Variants in RTN4 observed in about 807,000 individuals in gnomAD.
RTN4 encodes reticulon 4.
A neutral mutation model predicts 90.4 loss-of-function variants in RTN4; 32 were observed. That is an observed-to-expected ratio of 0.35 (90% confidence interval 0.27 to 0.48). The LOEUF is 0.48. Ranked by LOEUF, RTN4 falls within the 20% of genes least tolerant of loss-of-function variation. The probability of loss-of-function intolerance (pLI) is 0.99; values close to 1 mark genes in which losing one functional copy is unlikely to be tolerated. For synonymous variants in RTN4, 629 were observed against 552.5 expected (o/e 1.14, Z -1.94); for missense variants, 1,706 against 1,430.2 (o/e 1.19, Z -3.11).
intron 3 of RTN4, among the ~76,000 whole-genome samples, chr2:55,009,652 T>G (rs1292504553): frequency 6.6e-6 from 1 of 152,252 alleles, no homozygotes; most frequent in Non-Finnish European, 1.5e-5. Context: ...AGAGGCTTAC[T>G]GCAAACACAA....
chr2:55,055,583 T>C (rs540279655), upstream of RTN4, among the ~76,000 whole-genome samples: 2 of 152,058 alleles, frequency 1.3e-5, no homozygotes, highest in Non-Finnish European at 2.9e-5. Flanking sequence ...CTGGCTAACA[T>C]GGTGAAACCC....
At chr2:55,041,393 A>C (rs1286703626) in intron 1 of RTN4, among the ~76,000 whole-genome samples, 2 of 152,020 alleles carry the variant, frequency 1.3e-5, no homozygotes, top group East Asian at 3.8e-4. Context: ...GGGACAAGAT[A>C]AAAAAAATTT....
intron 1 of RTN4, among the ~76,000 whole-genome samples, chr2:55,103,751 G>A (rs1342991968): frequency 6.6e-6 from 1 of 152,084 alleles, no homozygotes; most frequent in African/African-American, 2.4e-5. Context: ...GTGGAGTGCA[G>A]TGGTGCAATC....
chr2:55,051,957 GA>G (rs1445147287), upstream of RTN4, among the ~76,000 whole-genome samples: 1 of 152,118 alleles, frequency 6.6e-6, no homozygotes, highest in African/African-American at 2.4e-5. Flanking sequence ...TAATAATTAA[GA>G]AAGTTTGATT....
intron 1 of RTN4, among the ~76,000 whole-genome samples, chr2:55,100,432 A>G (rs1667832103): frequency 6.6e-6 from 1 of 152,128 alleles, no homozygotes; most frequent in South Asian, 2.1e-4. Context: ...GCCCATTCAT[A>G]TTATGAAATC....
chr2:55,004,070 A>T (rs1242016159), intron 3 of RTN4, among the ~76,000 whole-genome samples: 1 of 152,172 alleles, frequency 6.6e-6, no homozygotes, highest in Non-Finnish European at 1.5e-5. Flanking sequence ...ATCCTGAAAG[A>T]TGAAAAGAAA....
At position 55,025,857 on chromosome 2, in the gene RTN4, A is replaced by G. The variant is rs1681816230; in HGVS notation, c.2242T>C (p.Phe748Leu). Reference sequence around the variant, plus strand: ...ACGTCAGGTATTGAATCATCACTAAATAAGTCAACTGGTTCAGAATCAGGT... The same window carrying G: ...ACGTCAGGTATTGAATCATCACTAAGTAAGTCAACTGGTTCAGAATCAGGT... ...SSPDSEPVDL[F>L]SDDSIPDVPQ... Residue 748 changes from phenylalanine (F) to leucine (L), a missense_variant, in exon 3 of 9, where the codon TTT becomes CTT. Physicochemically the swap from Phe to Leu is conservative, Grantham distance 22. Coordinates refer to ENST00000337526, the MANE Select transcript of RTN4 (RefSeq NM_020532.5). 1.2e-6 allele frequency: 2 copies of G among 1,613,824 alleles called. No homozygotes were observed. Among genetic ancestry groups the G allele is most frequent in the Non-Finnish European group, 8.5e-7 (1 of 1,179,842 alleles).
chr2:54,973,289 A>G, intron 8 of RTN4, 91 bp from the exon 9 acceptor site: 1 of 1,150,082 alleles, frequency 8.7e-7, no homozygotes, highest in Non-Finnish European at 1.3e-6. Context: ...TTATTCAGCT[A>G]ATACAATAAA....
At chr2:55,039,383 A>T (rs1404515992) in intron 1 of RTN4, among the ~76,000 whole-genome samples, 1 of 152,236 alleles carries the variant, frequency 6.6e-6, no homozygotes, top group African/African-American at 2.4e-5. Context: ...AGATTAAAAG[A>T]CTAATAAATC....
At chr2:54,976,617 G>T (rs1360004206) in intron 5 of RTN4, among the ~76,000 whole-genome samples, 1 of 152,094 alleles carries the variant, frequency 6.6e-6, no homozygotes, top group South Asian at 2.1e-4. Context: ...GAATACTTCG[G>T]CGGCCCAAAA....
intron 2 of RTN4, among the ~76,000 whole-genome samples, chr2:55,067,872 A>G (rs1668422204): frequency 6.6e-6 from 1 of 152,254 alleles, no homozygotes; most frequent in African/African-American, 2.4e-5. Context: ...ACATTAATAA[A>G]CCCACTGCAT....
At chr2:55,066,438 T>A (rs1368360893) in intron 2 of RTN4, among the ~76,000 whole-genome samples, 2 of 152,110 alleles carry the variant, frequency 1.3e-5, no homozygotes, top group Non-Finnish European at 2.9e-5. Flanking sequence ...CTCACACCTG[T>A]AATCCCAGCA....
chr2:55,032,771 T>G (rs1384608799), intron 1 of RTN4, among the ~76,000 whole-genome samples: 1 of 152,076 alleles, frequency 6.6e-6, no homozygotes, highest in Non-Finnish European at 1.5e-5. Context: ...CTCATGCCTG[T>G]AACCCCAACA....
chr2:55,037,141 C>G (rs1042090916), intron 1 of RTN4, among the ~76,000 whole-genome samples: 1 of 151,958 alleles, frequency 6.6e-6, no homozygotes, highest in Non-Finnish European at 1.5e-5. Flanking sequence ...CTCACTGTAA[C>G]AAAAAAACAT....
At chr2:55,010,252 C>G (rs1177288713) in intron 3 of RTN4, 2 of 1,534,336 alleles carry the variant, frequency 1.3e-6, no homozygotes, top group Non-Finnish European at 1.7e-6. Flanking sequence ...GTCTCCTCTG[C>G]TGCACAACTG....
chr2:55,025,119 C>G lies in RTN4; in HGVS notation c.2980G>C (p.Ala994Pro). ...DTEKEDRSPS[A>P]IFSAELSKTS... ...TTACTCAGCTCTGCTGAAAATATAG[C>G]AGATGGTGATCTGTCCTCTTTTTCT... The change falls in exon 3 of 9, where the codon GCT becomes CCT. Residue 994 changes from alanine to proline, a missense_variant. Ala to Pro is a conservative substitution (Grantham distance 27, BLOSUM62 -1). Transcript: ENST00000337526. 6.2e-7 allele frequency: 1 copy of G among 1,611,674 alleles called. No individual in the cohort carries two copies. Among genetic ancestry groups the G allele is most frequent in the Non-Finnish European group, 8.5e-7 (1 of 1,178,988 alleles).
chr2:55,104,972 AATTTTTAT>A (rs1292924864), intron 1 of RTN4, among the ~76,000 whole-genome samples: 1 of 151,634 alleles, frequency 6.6e-6, no homozygotes, highest in Non-Finnish European at 1.5e-5. Flanking sequence ...ACGCCAGGCT[AATTTTTAT>A]ATTTTTTGTA....
Position 54,972,629 on chromosome 2 carries a change from TGGC to T in RTN4, c.*524_*526del. On this transcript the variant is annotated 3_prime_UTR_variant, in exon 9 of 9. Transcript: ENST00000337526. ...ATATATAATCTATATTTACTTATAT[TGGC>T]AATTAATATAACAGTAAAAGTCACA... The T allele has an allele frequency of 6.5e-6, 1 of 152,712 alleles. No individual in the cohort carries two copies. Among genetic ancestry groups the T allele is most frequent in the Middle Eastern group, 3.2e-3 (1 of 316 alleles). The allele number at this position is 152,712 out of a possible 1,614,324, so 9.5% of individuals were successfully genotyped here. A position where few individuals can be genotyped will look rare whatever the true frequency, so the allele number is the denominator to read the frequency against.
intron 3 of RTN4, among the ~76,000 whole-genome samples, chr2:54,996,929 T>G (rs147552255): frequency 2.0e-4 from 31 of 152,170 alleles, no homozygotes; most frequent in African/African-American, 7.5e-4. Context: ...CAGAAAACTC[T>G]TTAAGAAAAA....
Sources: gnomAD v4.1 joint callset for allele counts (sites outside exome capture counted in the v4.1 genomes callset) on GRCh38, gnomAD v4.1.1 for gene constraint, MANE v1.5 for transcripts, NCBI Gene and HGNC (gene_info 2026-07-23, HGNC 2026-07-21) for gene names.